LIG1: variants seen among roughly 807,000 people sequenced by gnomAD.
LIG1 encodes the protein ligase I, DNA, ATP-dependent.
Under a neutral mutation model 115.7 loss-of-function variants are expected in LIG1, and 70 were observed. The ratio of observed to expected loss-of-function variants is 0.60; its 90% CI spans 0.50 to 0.74. The LOEUF is 0.74. Among genes scored for constraint, LIG1 ranks in the 30% least tolerant of loss-of-function variants. The pLI, the probability that LIG1 is intolerant of heterozygous loss-of-function variation, is 0.00. For synonymous variants in LIG1, 487 were observed against 495.3 expected (o/e 0.98, Z 0.22); for missense variants, 1,115 against 1,225.6 (o/e 0.91, Z 1.35).
intron 14 of LIG1, among the ~76,000 whole-genome samples, chr19:48,136,639 G>GGGCTCCC (rs1448870718): frequency 6.6e-6 from 1 of 152,204 alleles, no homozygotes; most frequent in African/African-American, 2.4e-5. Flanking sequence ...GCACAGGGCA[G>GGGCTCCC]GGCTCCCAAG....
chr19:48,138,423 G>A (rs954800115), intron 12 of LIG1, among the ~76,000 whole-genome samples: 6 of 152,222 alleles, frequency 3.9e-5, no homozygotes, highest in African/African-American at 9.6e-5. Flanking sequence ...GAACAAGTGC[G>A]CGTTTCAGTC....
intron 1 of LIG1, chr19:48,170,029 C>CT (rs1471356409): frequency 2.9e-6 from 1 of 344,878 alleles, no homozygotes; most frequent in Non-Finnish European, 5.8e-6. Context: ...CGTCTACCCT[C>CT]TACCTGGCCC....
chr19:48,150,647 A>G (rs1311883103), intron 7 of LIG1, among the ~76,000 whole-genome samples: 1 of 152,198 alleles, frequency 6.6e-6, no homozygotes, highest in Admixed American at 6.5e-5. Flanking sequence ...AACTTAATTA[A>G]TAACATTTAA....
At position 48,137,975 on chromosome 19, in the gene LIG1, G is replaced by A. The variant is rs960228332; in HGVS notation, c.1088-287C>T. On this transcript the variant is annotated intron_variant, in intron 12 of 27. Coordinates refer to ENST00000263274, the MANE Select transcript of LIG1 (RefSeq NM_000234.3). The surrounding 1 kb of genome is among the most constrained non-coding windows in gnomAD (Gnocchi z 4.3). ...ACATCTGGGCCGGTGTCATCAGGGC[G>A]CGGATGGGATTTAAAGCCACAGGCG... is the stretch of plus-strand genomic sequence containing the variant. 4 of 527,526 alleles carry A rather than the reference G, an allele frequency of 7.6e-6. No individual in the cohort carries two copies. The highest frequency in any genetic ancestry group is 3.1e-5 in the Admixed American group (1 of 31,810). 32.7% of individuals were successfully genotyped at this position (527,526 alleles called of 1,614,324 possible). A position where few individuals can be genotyped will look rare whatever the true frequency, so the allele number is the denominator to read the frequency against.
In LIG1 at chr19:48,140,089, C is replaced by T. The variant is rs774976749; in HGVS notation, c.969G>A (p.Ser323=). 1.5e-5 allele frequency: 24 copies of T among 1,613,780 alleles called. No homozygotes were observed. Among genetic ancestry groups the T allele is most frequent in the Non-Finnish European group, 1.7e-5 (20 of 1,180,016 alleles). ...AGAGGACAGGGAGGAGGTCTGGAGG[C>T]GACAGGGCCACCACGGAGCGCAGCA... ...SNLLRSVVAL[S]PPDLLPVLYL... Residue 323 remains serine, a synonymous_variant, in exon 12 of 28, where the codon TCG becomes TCA. Coordinates refer to ENST00000263274, the MANE Select transcript of LIG1 (RefSeq NM_000234.3).
rs759797286 is a variant in LIG1, at chr19:48,137,586, G to A, written c.1190C>T (p.Pro397Leu). 1.2e-6 allele frequency: 2 copies of A among 1,613,282 alleles called. No homozygotes were observed. Among genetic ancestry groups the A allele is most frequent in the South Asian group, 1.1e-5 (1 of 91,082 alleles). The change falls in exon 13 of 28, where the codon CCT (proline) becomes CTT (leucine). Residue 397 changes from proline (P) to leucine (L), a missense_variant. By Grantham distance (98) the Pro-to-Leu change is moderately conservative. Transcript: ENST00000263274. The surrounding 1 kb of genome is among the most constrained non-coding windows in gnomAD (Gnocchi z 4.3). ...GAAGACCCCGGAGGCAGTGAGCGGA[G>A]GTGGTGGCAGCATGAGCCTCTGGGT... ...RSTQRLMLPP[P>L]PLTASGVFSK...
At chr19:48,115,781 C>T (rs752254571) in intron 27 of LIG1, 49 bp from the exon 28 acceptor site, 2 of 1,583,998 alleles carry the variant, frequency 1.3e-6, no homozygotes, top group South Asian at 2.2e-5. Flanking sequence ...CTGGCTGCTC[C>T]CACCTCCACA....
rs1416218602 is a variant in LIG1, at chr19:48,141,693, G to A, written c.915-1550C>T. Among the ~76,000 whole-genome samples, 4 of 152,308 alleles carry A rather than the reference G, an allele frequency of 2.6e-5. No homozygotes were observed. The East Asian group carries it at 7.7e-4, about 29-fold the overall frequency. Reference sequence around the variant, plus strand: ...CTTCAAAGCTGGAAAGAATGGCTTTGTTACTGAAAAACTTAGGGGGCCTCA... The same window carrying A: ...CTTCAAAGCTGGAAAGAATGGCTTTATTACTGAAAAACTTAGGGGGCCTCA... On this transcript the variant is annotated intron_variant, in intron 11 of 27. Transcript: ENST00000263274.
intron 3 of LIG1, 30 bp from the exon 4 acceptor site, chr19:48,161,537 G>C: frequency 1.9e-6 from 3 of 1,612,968 alleles, no homozygotes; most frequent in Non-Finnish European, 2.5e-6. Flanking sequence ...GGGTGTAAAG[G>C]GGCGACTACA....
At chr19:48,116,923 G>A (rs370554301) in intron 26 of LIG1, among the ~76,000 whole-genome samples, 159 of 152,284 alleles carry the variant, frequency 1.0e-3, no homozygotes, top group South Asian at 3.5e-3. Flanking sequence ...GGCGGATTGA[G>A]GCCAGGTGTT....
At chr19:48,161,772 C>CA (rs2036190512) in intron 3 of LIG1, among the ~76,000 whole-genome samples, 1 of 151,522 alleles carries the variant, frequency 6.6e-6, no homozygotes, top group Non-Finnish European at 1.5e-5. Flanking sequence ...TGCTGAGGAG[C>CA]AAATGGAGTC....
intron 1 of LIG1, among the ~76,000 whole-genome samples, chr19:48,166,322 G>A (rs1226192951): frequency 1.3e-5 from 2 of 151,884 alleles, no homozygotes; most frequent in African/African-American, 4.8e-5. Context: ...GCTTGAACCC[G>A]GGAGGTAGAG....
chr19:48,118,184 G>T (rs1265709705), intron 25 of LIG1, among the ~76,000 whole-genome samples: 1 of 152,136 alleles, frequency 6.6e-6, no homozygotes, highest in African/African-American at 2.4e-5. Context: ...GAGAGAGAGG[G>T]CAATGGAGAG....
At chr19:48,127,885 C>T in intron 20 of LIG1, 25 bp downstream of exon 20, 1 of 1,562,886 alleles carries the variant, frequency 6.4e-7, no homozygotes, top group Non-Finnish European at 8.8e-7. Context: ...GGGGCCTTGG[C>T]AGGCAGTGGA....
Position 48,115,946 on chromosome 19 carries a change from A to T in LIG1, c.2603T>A (p.Ile868Asn). 6.2e-7 allele frequency: 1 copy of T among 1,613,762 alleles called. No homozygotes were observed. Among genetic ancestry groups the T allele is most frequent in the Non-Finnish European group, 8.5e-7 (1 of 1,179,924 alleles). The change falls in exon 27 of 28, where the codon ATC becomes AAC. Residue 868 changes from isoleucine (I) to asparagine (N), a missense_variant. Coordinates refer to ENST00000263274, the MANE Select transcript of LIG1 (RefSeq NM_000234.3). Reference protein sequence around the residue: ...ARGLVDSDKGISLRFPRFIRV... With the variant: ...ARGLVDSDKGNSLRFPRFIRV... The stretch of plus-strand genomic sequence containing the variant: ...AATAAACCGAGGGAAGCGAAGGGAG[A>T]TGCCCTTGTCACTATCCACCTGCGG...
At chr19:48,162,239 C>T (rs759834341) in intron 3 of LIG1, 23 bp downstream of exon 3, 2 of 1,590,838 alleles carry the variant, frequency 1.3e-6, no homozygotes, top group East Asian at 2.2e-5. Flanking sequence ...AAAAATTCAC[C>T]ATATCCCAGC....
At chr19:48,162,625 G>A (rs941314982) in intron 2 of LIG1, among the ~76,000 whole-genome samples, 1 of 151,908 alleles carries the variant, frequency 6.6e-6, no homozygotes, top group African/African-American at 2.4e-5. Flanking sequence ...AGTAGAGATG[G>A]GGTATCACCG....
chr19:48,127,716 C>T, intron 20 of LIG1, 194 bp downstream of exon 20: 1 of 690,826 alleles, frequency 1.4e-6, no homozygotes, highest in Non-Finnish European at 2.6e-6. Context: ...AGGGCCCTTC[C>T]CCTCTTCCTA....
chr19:48,148,318 A>C (rs2035253733), intron 9 of LIG1, among the ~76,000 whole-genome samples: 1 of 152,146 alleles, frequency 6.6e-6, no homozygotes, highest in African/African-American at 2.4e-5. Context: ...TACTAAAAAT[A>C]CAAAAATTAG....
Sources: allele counts gnomAD v4.1 joint callset (sites outside exome capture counted in the v4.1 genomes callset), GRCh38; gene constraint gnomAD v4.1.1; non-coding constraint Gnocchi (gnomAD v3.1); transcripts MANE v1.5; gene names NCBI Gene and HGNC (gene_info 2026-07-23, HGNC 2026-07-21).